VPS8: variants seen among roughly 807,000 people sequenced by gnomAD.
VPS8 encodes VPS8 subunit of CORVET complex.
VPS8 carries 129 observed loss-of-function variants against 216.4 expected under a neutral mutation model. That is an observed-to-expected ratio of 0.60 (90% CI 0.52 to 0.69). The LOEUF is 0.69. VPS8 is among the 30% of genes least tolerant of loss of function. The pLI is 0.00. For missense variants in VPS8, 1,531 were observed against 1,683.5 expected, an observed-to-expected ratio of 0.91 and a Z score of 1.59; for synonymous variants, 571 against 565.4, an observed-to-expected ratio of 1.01 and a Z score of -0.14.
intron 16 of VPS8, among the ~76,000 whole-genome samples, chr3:184,864,530 G>A (rs1031466769): frequency 3.9e-5 from 6 of 152,156 alleles, no homozygotes; most frequent in Non-Finnish European, 8.8e-5. Flanking sequence ...AGAGGGAACC[G>A]TATCTAGTGC....
intron 36 of VPS8, among the ~76,000 whole-genome samples, chr3:184,946,717 T>C (rs2109367968): frequency 6.6e-6 from 1 of 152,288 alleles, no homozygotes; most frequent in Admixed American, 6.5e-5. Context: ...GTTCATCAGG[T>C]ACACTACACA....
At chr3:184,951,632 T>C (rs1486069342) in intron 36 of VPS8, among the ~76,000 whole-genome samples, 1 of 152,178 alleles carries the variant, frequency 6.6e-6, no homozygotes, top group Non-Finnish European at 1.5e-5. Flanking sequence ...CTGAATTCTG[T>C]AGTAGGCAGG....
rs553234256 is a variant in VPS8, at chr3:184,900,870, A to G, written c.2095-51A>G. On this transcript the variant is annotated intron_variant, in intron 24 of 47. Transcript: ENST00000625842. ...ATAGCATAAGATTCTTATTTTTTAA[A>G]TAATATCATTTGAGATGATGATGAT... 1.8e-5 allele frequency: 26 copies of G among 1,466,278 alleles called. No homozygotes were observed. In the Admixed American group the frequency reaches 2.7e-4, roughly 15 times the overall value. 90.8% of individuals were successfully genotyped at this position (1,466,278 alleles called of 1,614,324 possible).
chr3:184,886,498 C>T (rs1560528200), intron 22 of VPS8, among the ~76,000 whole-genome samples: 1 of 150,312 alleles, frequency 6.7e-6, no homozygotes, highest in East Asian at 2.0e-4. Flanking sequence ...TATACACACA[C>T]ATATATATAT....
chr3:185,024,522 C>A, intron 46 of VPS8, 133 bp downstream of exon 46: 1 of 1,046,066 alleles, frequency 9.6e-7, no homozygotes, highest in Non-Finnish European at 1.4e-6. Context: ...TGATTAGATG[C>A]TTTAATGACA....
rs538486454 is a variant in VPS8, at chr3:185,018,223, A to G, written c.4003-6113A>G. ...ATCGGGATTAGCATTGTCAAAAGCTAATAACTGCAACACTATTTCCTGAGC... is the reference window on the plus strand; with the variant it reads ...ATCGGGATTAGCATTGTCAAAAGCTGATAACTGCAACACTATTTCCTGAGC... On this transcript the variant is annotated intron_variant, in intron 45 of 47. Transcript: ENST00000625842. Among the ~76,000 whole-genome samples the G allele has an allele frequency of 3.3e-5, 5 of 152,328 alleles. No individual in the cohort carries two copies. The South Asian group carries it at 8.3e-4, about 25-fold the overall frequency.
intron 25 of VPS8, among the ~76,000 whole-genome samples, chr3:184,902,915 A>G (rs1191445879): frequency 2.6e-5 from 4 of 152,016 alleles, no homozygotes; most frequent in South Asian, 2.1e-4. Flanking sequence ...TAATAGCTTT[A>G]ACTCTTGCAT....
intron 8 of VPS8, among the ~76,000 whole-genome samples, chr3:184,845,055 T>G (rs1722872324): frequency 6.6e-6 from 1 of 152,228 alleles, no homozygotes; most frequent in African/African-American, 2.4e-5. Flanking sequence ...AAATATACCT[T>G]TATGTGACTT....
intron 46 of VPS8, among the ~76,000 whole-genome samples, chr3:185,033,312 G>A (rs946661645): frequency 1.4e-4 from 21 of 152,130 alleles, no homozygotes; most frequent in Middle Eastern, 3.4e-3. Flanking sequence ...CCAAACTTTC[G>A]GTAACTACTA....
chr3:184,826,847 G>T (rs1051237654), intron 3 of VPS8, among the ~76,000 whole-genome samples: 2 of 152,152 alleles, frequency 1.3e-5, no homozygotes, highest in African/African-American at 2.4e-5. Context: ...CTAATGAAAA[G>T]TTTTTCAGAG....
intron 46 of VPS8, among the ~76,000 whole-genome samples, chr3:185,026,691 G>A (rs1351662090): frequency 2.1e-5 from 3 of 143,476 alleles, no homozygotes; most frequent in Admixed American, 7.0e-5. Flanking sequence ...TTACAGGCAT[G>A]AGCCACTGTC....
chr3:184,833,724 C>A (rs1720482936), intron 4 of VPS8, among the ~76,000 whole-genome samples: 3 of 152,178 alleles, frequency 2.0e-5, no homozygotes, highest in Non-Finnish European at 2.9e-5. Context: ...ACACTGTACA[C>A]CTTTACATCT....
At chr3:184,965,047 C>T (rs1747160215) in intron 38 of VPS8, among the ~76,000 whole-genome samples, 1 of 152,218 alleles carries the variant, frequency 6.6e-6, no homozygotes, top group Non-Finnish European at 1.5e-5. Context: ...CTTTACATCG[C>T]TACCAGCAAC....
intron 7 of VPS8, among the ~76,000 whole-genome samples, chr3:184,841,763 A>G (rs951456819): frequency 2.6e-5 from 4 of 152,176 alleles, no homozygotes; most frequent in Admixed American, 2.0e-4. Flanking sequence ...CATTTAGTTC[A>G]GTCCCCTTAT....
intron 46 of VPS8, among the ~76,000 whole-genome samples, chr3:185,046,926 A>G (rs1713051259): frequency 6.6e-6 from 1 of 152,156 alleles, no homozygotes; most frequent in South Asian, 2.1e-4. Context: ...CGGCCCTCCC[A>G]TCCCTTCATT....
rs547516079 is a variant in VPS8, at chr3:185,019,126, C to T, written c.4003-5210C>T. 1.0e-3 allele frequency among the ~76,000 whole-genome samples: 153 copies of T among 152,234 alleles called. 1 individual carries two copies. The highest frequency in any genetic ancestry group is 3.6e-3 in the African/African-American group (150 of 41,536). On this transcript the variant is annotated intron_variant, in intron 45 of 47. Coordinates refer to ENST00000625842, the MANE Select transcript of VPS8 (RefSeq NM_001009921.3). Reference sequence around the variant, plus strand: ...GTTCCAAGGTGGAACAAACCAGAGCCCACACTTGTCCCATTGTTACCCTGA... The same window carrying T: ...GTTCCAAGGTGGAACAAACCAGAGCTCACACTTGTCCCATTGTTACCCTGA...
chr3:184,948,121 AATT>A (rs1263513293), intron 36 of VPS8, among the ~76,000 whole-genome samples: 4 of 152,148 alleles, frequency 2.6e-5, no homozygotes, highest in African/African-American at 9.6e-5. Flanking sequence ...TATTTACAGT[AATT>A]ACACTAATTT....
At chr3:184,849,429 A>G (rs947075985) in intron 9 of VPS8, 6 of 361,754 alleles carry the variant, frequency 1.7e-5, no homozygotes, top group Non-Finnish European at 2.4e-5. Context: ...ATTTGAGTAA[A>G]TAATTTTTGT....
chr3:184,894,508 G>GTATATATATATATATATATATA lies in VPS8; in HGVS notation c.1782-192_1782-171dup, dbSNP rs756172890. Among the ~76,000 whole-genome samples, 75 of 133,104 alleles carry GTATATATATATATATATATATA rather than the reference G, an allele frequency of 5.6e-4. 2 individuals are homozygous for GTATATATATATATATATATATA. The highest frequency in any genetic ancestry group is 9.0e-4 in the Non-Finnish European group (56 of 62,260). 87.3% of individuals were successfully genotyped at this position (133,104 alleles called of 152,430 possible). The stretch of plus-strand genomic sequence containing the variant: ...TTTATATATATGTATATATACACAC[G>GTATATATATATATATATATATA]TATATATATATATATATATATATAC... On this transcript the variant is annotated intron_variant, in intron 22 of 47. Coordinates refer to ENST00000625842, the MANE Select transcript of VPS8 (RefSeq NM_001009921.3).
Sources: gnomAD v4.1 joint callset for allele counts (sites outside exome capture counted in the v4.1 genomes callset) on GRCh38, gnomAD v4.1.1 for gene constraint, MANE v1.5 for transcripts, NCBI Gene and HGNC (gene_info 2026-07-23, HGNC 2026-07-21) for gene names.